LRRTM4: variants seen among roughly 807,000 people sequenced by gnomAD.
LRRTM4 encodes leucine rich repeat transmembrane neuronal 4.
Under a neutral mutation model 47.6 loss-of-function variants are expected in LRRTM4, and 25 were observed. That is an observed-to-expected ratio of 0.53 (90% CI 0.38 to 0.73). LRRTM4 has a LOEUF of 0.73. Among genes scored for constraint, LRRTM4 ranks in the 30% least tolerant of loss-of-function variants. The probability of loss-of-function intolerance (pLI) is 0.00; values close to 1 mark genes in which losing one functional copy is unlikely to be tolerated. For missense variants in LRRTM4, 638 were observed against 713.4 expected, an observed-to-expected ratio of 0.89 and a Z score of 1.20; for synonymous variants, 311 against 269.5, an observed-to-expected ratio of 1.15 and a Z score of -1.51.
intron 3 of LRRTM4, among the ~76,000 whole-genome samples, chr2:77,118,260 A>AT (rs773258349): frequency 1.3e-5 from 2 of 151,752 alleles, no homozygotes; most frequent in South Asian, 4.1e-4. Context: ...ACTTTAATAC[A>AT]TTTTACTTTG....
intron 3 of LRRTM4, among the ~76,000 whole-genome samples, chr2:76,862,644 C>G (rs1187495666): frequency 6.6e-6 from 1 of 152,188 alleles, no homozygotes; most frequent in African/African-American, 2.4e-5. Flanking sequence ...TGCGCGCGCA[C>G]ACACACACAA....
At chr2:76,872,040 T>C (rs931529625) in intron 3 of LRRTM4, among the ~76,000 whole-genome samples, 1 of 152,200 alleles carries the variant, frequency 6.6e-6, no homozygotes, top group African/African-American at 2.4e-5. Flanking sequence ...CCATGTCTGG[T>C]CTTCTAACCC....
intron 3 of LRRTM4, among the ~76,000 whole-genome samples, chr2:77,094,104 A>C (rs2103894881): frequency 6.6e-6 from 1 of 152,286 alleles, no homozygotes; most frequent in Admixed American, 6.5e-5. Context: ...AGAACTAATA[A>C]TTTTGGTAAA....
intron 3 of LRRTM4, among the ~76,000 whole-genome samples, chr2:76,893,652 T>A (rs1039098462): frequency 6.6e-6 from 1 of 151,736 alleles, no homozygotes; most frequent in Admixed American, 6.6e-5. Flanking sequence ...GGAACTTCCT[T>A]AAAGAGAACT....
intron 3 of LRRTM4, among the ~76,000 whole-genome samples, chr2:76,866,742 T>C (rs1469496167): frequency 6.6e-6 from 1 of 152,204 alleles, no homozygotes; most frequent in African/African-American, 2.4e-5. Context: ...ACCCAGTCTA[T>C]CATTGATGGG....
At chr2:77,100,282 A>C (rs1274910278) in intron 3 of LRRTM4, among the ~76,000 whole-genome samples, 1 of 152,322 alleles carries the variant, frequency 6.6e-6, no homozygotes, top group South Asian at 2.1e-4. Context: ...TAATACCTTG[A>C]CATACTTCTC....
chr2:76,990,108 C>A lies in LRRTM4; in HGVS notation c.1552-241192G>T, dbSNP rs114814475. ...AGGCAATGCCTTAATCACTCTTTAC[C>A]AGGAAAATTTCTCAGGGTTGTTTTT... On this transcript the variant is annotated intron_variant, in intron 3 of 3. Transcript: ENST00000409884. Among the ~76,000 whole-genome samples, 760 of 151,746 alleles carry A rather than the reference C, an allele frequency of 5.0e-3. 4 individuals are homozygous for A. Among genetic ancestry groups the A allele is most frequent in the African/African-American group, 0.018 (728 of 41,466 alleles).
intron 3 of LRRTM4, among the ~76,000 whole-genome samples, chr2:76,854,677 C>A (rs559107155): frequency 6.6e-6 from 1 of 152,134 alleles, no homozygotes; most frequent in African/African-American, 2.4e-5. Flanking sequence ...AGCTACTGGG[C>A]TTGCTCTAGA....
At chr2:77,211,174 T>C (rs2103922733) in intron 3 of LRRTM4, among the ~76,000 whole-genome samples, 1 of 152,216 alleles carries the variant, frequency 6.6e-6, no homozygotes, top group African/African-American at 2.4e-5. Context: ...TAAGCAACTA[T>C]AGAAATTGTC....
At chr2:76,863,056 C>T (rs1318094882) in intron 3 of LRRTM4, among the ~76,000 whole-genome samples, 4 of 152,174 alleles carry the variant, frequency 2.6e-5, no homozygotes, top group Non-Finnish European at 5.9e-5. Context: ...TAGCTGGCAT[C>T]TTAAACACGT....
intron 3 of LRRTM4, among the ~76,000 whole-genome samples, chr2:77,075,004 G>T (rs1428302369): frequency 6.6e-6 from 1 of 152,016 alleles, no homozygotes; most frequent in Non-Finnish European, 1.5e-5. Context: ...CTCCTAACTT[G>T]TTGCTAATTT....
intron 3 of LRRTM4, among the ~76,000 whole-genome samples, chr2:77,237,334 C>A (rs999334635): frequency 7.2e-5 from 11 of 151,970 alleles, no homozygotes; most frequent in African/African-American, 2.7e-4. Context: ...AGTTTGTATA[C>A]AAAGAAGTAT....
chr2:76,803,629 C>G (rs1021055111), intron 3 of LRRTM4, among the ~76,000 whole-genome samples: 1 of 152,026 alleles, frequency 6.6e-6, no homozygotes, highest in South Asian at 2.1e-4. Flanking sequence ...CAGTGAAAAG[C>G]TTTTTAAAGA....
At chr2:76,767,175 C>T (rs1179348614) in intron 3 of LRRTM4, among the ~76,000 whole-genome samples, 1 of 152,134 alleles carries the variant, frequency 6.6e-6, no homozygotes, top group Non-Finnish European at 1.5e-5. Flanking sequence ...TTTGAGTGTG[C>T]AGTATTTCTT....
intron 3 of LRRTM4, among the ~76,000 whole-genome samples, chr2:77,410,137 C>T (rs1674361391): frequency 6.6e-6 from 1 of 151,960 alleles, no homozygotes; most frequent in African/African-American, 2.4e-5. Flanking sequence ...GAAGAAAAAA[C>T]AAACAAGTCT....
chr2:77,040,069 G>T (rs974101825), intron 3 of LRRTM4, among the ~76,000 whole-genome samples: 2 of 151,102 alleles, frequency 1.3e-5, no homozygotes, highest in Non-Finnish European at 3.0e-5. Context: ...AGACAGGTGG[G>T]TAGGCAGCAA....
chr2:76,867,043 G>A (rs1309327874), intron 3 of LRRTM4, among the ~76,000 whole-genome samples: 1 of 151,964 alleles, frequency 6.6e-6, no homozygotes, highest in South Asian at 2.1e-4. Flanking sequence ...TACAGGGAGG[G>A]GAACATCACA....
Position 77,426,983 on chromosome 2 carries a change from T to G in LRRTM4, c.1551+91335A>C, listed in dbSNP as rs539762236. Among the ~76,000 whole-genome samples, 331 of 144,998 alleles carry G rather than the reference T, an allele frequency of 2.3e-3. 1 individual carries two copies. The highest frequency in any genetic ancestry group is 8.1e-3 in the African/African-American group (325 of 40,308). On this transcript the variant is annotated intron_variant, in intron 3 of 3. Coordinates refer to ENST00000409884, the MANE Select transcript of LRRTM4 (RefSeq NM_001134745.3). ...GCTAAGGCTGTGACTGTGCCTGGCT[T>G]TTTTTTTTTTTTTTCTGACGGAGTC... is the stretch of plus-strand genomic sequence containing the variant.
At chr2:76,882,017 C>T (rs375769441) in intron 3 of LRRTM4, among the ~76,000 whole-genome samples, 38 of 152,052 alleles carry the variant, frequency 2.5e-4, no homozygotes, top group African/African-American at 7.7e-4. Flanking sequence ...ATAAATATTA[C>T]TGATAAACCA....
Sources: gnomAD v4.1 joint callset for allele counts (sites outside exome capture counted in the v4.1 genomes callset) on GRCh38, gnomAD v4.1.1 for gene constraint, MANE v1.5 for transcripts, NCBI Gene and HGNC (gene_info 2026-07-23, HGNC 2026-07-21) for gene names.